The following ZNF280C variants were observed in gnomAD, a reference collection of about 807,000 sequenced individuals.
ZNF280C encodes suppressor of hairy wing homolog 3.
In ZNF280C, 14 loss-of-function variants were observed where a neutral mutation model predicts 53.6. That is an observed-to-expected ratio of 0.26 (90% CI 0.17 to 0.41). The LOEUF (loss-of-function observed/expected upper bound fraction) is 0.41. ZNF280C is among the 10% of genes least tolerant of loss of function. ZNF280C has a pLI of 1.00. For synonymous variants in ZNF280C, 203 were observed against 181.1 expected, an observed-to-expected ratio of 1.12 and a Z score of -0.97; for missense variants, 416 against 547.1, an observed-to-expected ratio of 0.76 and a Z score of 2.39.
intron 1 of ZNF280C, among the ~76,000 whole-genome samples, chrX:130,264,508 CAT>C (rs973340746): frequency 9.0e-6 from 1 of 110,909 alleles, no homozygotes. Flanking sequence ...AAAAAATTAA[CAT>C]AAGCCTGCTC....
chrX:130,226,707 C>CA lies in ZNF280C; in HGVS notation c.1395+51_1395+52insT, dbSNP rs1275074618. 3 of 1,138,520 alleles carry CA rather than the reference C, an allele frequency of 2.6e-6. No individual in the cohort carries two copies. In the East Asian group the frequency reaches 9.0e-5, roughly 34 times the overall value. The allele number at this position is 1,138,520 out of a possible 1,213,427, so 93.8% of individuals were successfully genotyped here. ...TAGCTATAGATCTATACATATAGAT[C>CA]TATATCTTTTCACTAAGACAACATG... On this transcript the variant is annotated intron_variant, in intron 12 of 18. Coordinates refer to ENST00000370978, the MANE Select transcript of ZNF280C (RefSeq NM_017666.5).
intron 1 of ZNF280C, among the ~76,000 whole-genome samples, chrX:130,263,731 T>C (rs945278178): frequency 9.0e-6 from 1 of 111,236 alleles, no homozygotes; most frequent in African/African-American, 3.3e-5. Context: ...ATAATGCCAT[T>C]AAGAAAATAA....
At chrX:130,262,563 C>T (rs1046115182) in intron 1 of ZNF280C, among the ~76,000 whole-genome samples, 5 of 111,995 alleles carry the variant, frequency 4.5e-5, no homozygotes, top group Non-Finnish European at 5.6e-5. Flanking sequence ...AGTCAGCTGT[C>T]AGAGAAATGG....
intron 1 of ZNF280C, among the ~76,000 whole-genome samples, chrX:130,264,200 C>T (rs2032664176): frequency 9.0e-6 from 1 of 110,818 alleles, no homozygotes; most frequent in African/African-American, 3.3e-5. Context: ...GGTAAACATT[C>T]GACCGGTCCT....
rs781244636 is a variant in ZNF280C, at chrX:130,242,730, C to T, written c.381+833G>A. Among the ~76,000 whole-genome samples the T allele has an allele frequency of 1.5e-4, 17 of 111,719 alleles. No homozygotes were observed. The South Asian group carries it at 2.3e-3, about 15-fold the overall frequency. ...AATTTTTTTTTATTTTTAGTAGAGA[C>T]GGGGTTTCACCACGTTTGCCAGACT... On this transcript the variant is annotated intron_variant, in intron 5 of 18. Coordinates refer to ENST00000370978, the MANE Select transcript of ZNF280C (RefSeq NM_017666.5).
chrX:130,236,742 C>A, intron 6 of ZNF280C, 103 bp from the exon 7 acceptor site: 1 of 495,587 alleles, frequency 2.0e-6, no homozygotes. Flanking sequence ...TAAAACTGAG[C>A]AAAAACAGTT....
At chrX:130,229,923 G>A (rs776940984) in intron 9 of ZNF280C, among the ~76,000 whole-genome samples, 2 of 112,264 alleles carry the variant, frequency 1.8e-5, no homozygotes, top group East Asian at 5.5e-4. Flanking sequence ...ACAGTTTTAA[G>A]ACTGGGTCAA....
chrX:130,253,217 A>C (rs181202201), intron 2 of ZNF280C, among the ~76,000 whole-genome samples: 17 of 112,489 alleles, frequency 1.5e-4, no homozygotes, highest in African/African-American at 5.5e-4. Flanking sequence ...AGGGAGGTTA[A>C]AGATCTCTTC....
At chrX:130,212,848 G>A (rs1277938597) in intron 15 of ZNF280C, among the ~76,000 whole-genome samples, 1 of 111,217 alleles carries the variant, frequency 9.0e-6, no homozygotes, top group East Asian at 2.8e-4. Context: ...ATAAGGGTGT[G>A]GAGGAAATGC....
At position 130,244,664 on chromosome X, in the gene ZNF280C, G is replaced by A. The variant is rs1429001208; in HGVS notation, c.179-799C>T. On this transcript the variant is annotated intron_variant, in intron 3 of 18. Coordinates refer to ENST00000370978, the MANE Select transcript of ZNF280C (RefSeq NM_017666.5). The stretch of plus-strand genomic sequence containing the variant: ...GTGGTGGCAGGCACCTGTAGTCCCA[G>A]CTACTTGGGAGGCTGAGGCAGGAGA... Among the ~76,000 whole-genome samples, 3 of 108,565 alleles carry A rather than the reference G, an allele frequency of 2.8e-5. No homozygotes were observed. The Admixed American group carries it at 3.0e-4, about 11-fold the overall frequency. 94.3% of individuals were successfully genotyped at this position (108,565 alleles called of 115,157 possible). A position where few individuals can be genotyped will look rare whatever the true frequency, so the allele number is the denominator to read the frequency against.
In ZNF280C at chrX:130,221,382, C is replaced by T. The variant is rs1336248853; in HGVS notation, c.1396-902G>A. On this transcript the variant is annotated intron_variant, in intron 12 of 18. Coordinates refer to ENST00000370978, the MANE Select transcript of ZNF280C (RefSeq NM_017666.5). ...CCCACAATTTTTTTCTCTACCTATA[C>T]CTATACCTCATTCAGTTTCATGGCT... 3.6e-5 allele frequency among the ~76,000 whole-genome samples: 4 copies of T among 111,251 alleles called. No individual in the cohort carries two copies. In the East Asian group the frequency reaches 1.1e-3, roughly 31 times the overall value.
At chrX:130,257,907 G>A (rs752613530) in intron 2 of ZNF280C, among the ~76,000 whole-genome samples, 7 of 112,174 alleles carry the variant, frequency 6.2e-5, no homozygotes, top group South Asian at 7.4e-4. Context: ...CCAGGAGTTC[G>A]AGACCAGCCT....
intron 1 of ZNF280C, among the ~76,000 whole-genome samples, chrX:130,262,392 A>G (rs2032639782): frequency 8.9e-6 from 1 of 112,630 alleles, no homozygotes; most frequent in Non-Finnish European, 1.9e-5. Context: ...ACGTCAAAAG[A>G]ATACTACCAT....
At chrX:130,251,382 T>G (rs949906477) in intron 2 of ZNF280C, among the ~76,000 whole-genome samples, 2 of 106,222 alleles carry the variant, frequency 1.9e-5, no homozygotes, top group African/African-American at 6.9e-5. Flanking sequence ...AAACGAGACT[T>G]AAGAAGGAGG....
intron 1 of ZNF280C, among the ~76,000 whole-genome samples, chrX:130,267,277 C>T (rs1470745801): frequency 9.2e-6 from 1 of 109,263 alleles, no homozygotes; most frequent in African/African-American, 3.3e-5. Context: ...ATGAAAAAGT[C>T]GAAAAAAAAT....
rs569819530 is a variant in ZNF280C at position 130,227,668 on chromosome X, A to C, written c.1248+14T>G. 125 of 1,108,459 alleles carry C rather than the reference A, an allele frequency of 1.1e-4. No homozygotes were observed. In the South Asian group the frequency reaches 2.2e-3, roughly 20 times the overall value. 91.3% of individuals were successfully genotyped at this position (1,108,459 alleles called of 1,213,427 possible). A position where few individuals can be genotyped will look rare whatever the true frequency, so the allele number is the denominator to read the frequency against. On this transcript the variant is annotated intron_variant, in intron 11 of 18. Transcript: ENST00000370978. Reference sequence around the variant, plus strand: ...TAAACAAACACTTAACTACACAATAAAATGTGTGTGTACCTGGCAAACATA... The same window carrying C: ...TAAACAAACACTTAACTACACAATACAATGTGTGTGTACCTGGCAAACATA...
chrX:130,245,244 T>C (rs1236819444), intron 3 of ZNF280C, among the ~76,000 whole-genome samples: 4 of 112,001 alleles, frequency 3.6e-5, no homozygotes, highest in Admixed American at 9.5e-5. Flanking sequence ...ATTGTTTTGG[T>C]TGAGTACTGC....
chrX:130,251,280 C>A (rs199614959), intron 2 of ZNF280C, among the ~76,000 whole-genome samples: 1 of 22,957 alleles, frequency 4.4e-5, no homozygotes. Context: ...AAGGACCTGT[C>A]TCAAAAAAAA....
chrX:130,223,959 G>A (rs1220439741), intron 12 of ZNF280C, among the ~76,000 whole-genome samples: 1 of 111,761 alleles, frequency 8.9e-6, no homozygotes, highest in African/African-American at 3.2e-5. Context: ...AGAGAAGCCT[G>A]ATGATCCTTC....
Sources: gnomAD v4.1 joint callset for allele counts (sites outside exome capture counted in the v4.1 genomes callset) on GRCh38, gnomAD v4.1.1 for gene constraint, MANE v1.5 for transcripts, NCBI Gene and HGNC (gene_info 2026-07-23, HGNC 2026-07-21) for gene names.